Variants in CHRDL1 observed in about 807,000 individuals in gnomAD.
The protein encoded by CHRDL1 is chordin-like protein 1.
CHRDL1 carries 19 observed loss-of-function variants against 40.9 expected under a neutral mutation model. The observed-to-expected ratio is 0.46, with a 90% CI of 0.32 to 0.68. CHRDL1 has a LOEUF of 0.68. Among genes scored for constraint, CHRDL1 ranks in the 30% least tolerant of loss-of-function variants. The probability of loss-of-function intolerance (pLI) is 0.03; values close to 1 mark genes in which losing one functional copy is unlikely to be tolerated. For synonymous variants in CHRDL1, 136 were observed against 123.4 expected, an observed-to-expected ratio of 1.10 and a Z score of -0.68; for missense variants, 329 against 352.1, an observed-to-expected ratio of 0.93 and a Z score of 0.53.
chrX:110,683,502 A>T (rs1422967817), intron 9 of CHRDL1, among the ~76,000 whole-genome samples: 2 of 112,142 alleles, frequency 1.8e-5, no homozygotes, highest in Non-Finnish European at 3.8e-5. Context: ...CAGCTGGGAC[A>T]ACTTTTAAGT....
intron 2 of CHRDL1, among the ~76,000 whole-genome samples, chrX:110,789,030 A>C (rs1473626874): frequency 2.7e-5 from 3 of 111,715 alleles, no homozygotes; most frequent in Non-Finnish European, 5.7e-5. Flanking sequence ...AAAATTTTAA[A>C]ACTTCTATAT....
At chrX:110,707,375 T>G (rs931886058) in intron 6 of CHRDL1, among the ~76,000 whole-genome samples, 1 of 111,849 alleles carries the variant, frequency 8.9e-6, no homozygotes, top group Non-Finnish European at 1.9e-5. Context: ...GGCATCACAC[T>G]ATCTGACTTC....
rs186614589 is a variant in CHRDL1 at position 110,769,913 on chromosome X, C to A, written c.95-7106G>T. Among the ~76,000 whole-genome samples, 15 of 112,328 alleles carry A rather than the reference C, an allele frequency of 1.3e-4. No homozygotes were observed. In the Admixed American group the frequency reaches 1.4e-3, roughly 11 times the overall value. ...GAATAAATATTAAAAGATGTTCAACCTCACTAGTAATCAGAAATCTAAATT... is the reference window on the plus strand; with the variant it reads ...GAATAAATATTAAAAGATGTTCAACATCACTAGTAATCAGAAATCTAAATT... On this transcript the variant is annotated intron_variant, in intron 2 of 11. Coordinates refer to ENST00000372042, the MANE Select transcript of CHRDL1 (RefSeq NM_001143981.2).
At chrX:110,733,931 C>CAAAAAAAA (rs1172760631) in intron 4 of CHRDL1, among the ~76,000 whole-genome samples, 1 of 12,127 alleles carries the variant, frequency 8.2e-5, no homozygotes, top group African/African-American at 2.2e-4. Flanking sequence ...AACTCTGTCT[C>CAAAAAAAA]AAAAAAAAAA....
chrX:110,767,636 T>C (rs1390572326), intron 2 of CHRDL1, among the ~76,000 whole-genome samples: 1 of 106,971 alleles, frequency 9.3e-6, no homozygotes, highest in Non-Finnish European at 1.9e-5. Flanking sequence ...TAAAATAAAA[T>C]AAAATAAAAT....
At chrX:110,751,818 A>G (rs760344570) in intron 4 of CHRDL1, among the ~76,000 whole-genome samples, 14 of 112,048 alleles carry the variant, frequency 1.2e-4, no homozygotes, top group African/African-American at 4.2e-4. Flanking sequence ...GGATAGCTAC[A>G]TCCCTATGTT....
At position 110,689,778 on chromosome X, in the gene CHRDL1, T is replaced by TATCTATATATCTATATATATCTATAC. The variant is rs1569462217; in HGVS notation, c.779-976_779-975insGTATAGATATATATAGATATATAGAT. ...ATCTATATATCTATATATATCTATA[T>TATCTATATATCTATATATATCTATAC]ATCTATATATATCTATACATCTATA... On this transcript the variant is annotated intron_variant, in intron 8 of 11. Coordinates refer to ENST00000372042, the MANE Select transcript of CHRDL1 (RefSeq NM_001143981.2). Among the ~76,000 whole-genome samples, 9 of 77,973 alleles carry TATCTATATATCTATATATATCTATAC rather than the reference T, an allele frequency of 1.2e-4. 3 individuals are homozygous for TATCTATATATCTATATATATCTATAC. Among genetic ancestry groups the TATCTATATATCTATATATATCTATAC allele is most frequent in the African/African-American group, 4.2e-4 (7 of 16,796 alleles). 67.7% of individuals were successfully genotyped at this position (77,973 alleles called of 115,157 possible).
chrX:110,764,675 G>T (rs964243556), intron 2 of CHRDL1, among the ~76,000 whole-genome samples: 5 of 111,801 alleles, frequency 4.5e-5, no homozygotes, highest in Non-Finnish European at 7.5e-5. Context: ...CAGGCAAAAA[G>T]AGCCATATTT....
At chrX:110,751,420 A>C (rs1414064448) in intron 4 of CHRDL1, among the ~76,000 whole-genome samples, 1 of 112,231 alleles carries the variant, frequency 8.9e-6, no homozygotes, top group African/African-American at 3.2e-5. Flanking sequence ...TGGCTGAATA[A>C]ATTTAGACAA....
chrX:110,778,405 T>C (rs1010995264), intron 2 of CHRDL1, among the ~76,000 whole-genome samples: 3 of 111,405 alleles, frequency 2.7e-5, no homozygotes, highest in African/African-American at 6.5e-5. Flanking sequence ...AACAAACTTA[T>C]AAGCAAAAAA....
rs538793535 is a variant in CHRDL1 at position 110,727,008 on chromosome X, C to T, written c.302-5478G>A. 1.3e-4 allele frequency among the ~76,000 whole-genome samples: 15 copies of T among 112,112 alleles called. No homozygotes were observed. The South Asian group carries it at 5.6e-3, about 42-fold the overall frequency. ...CTACAAAGATAAATAGGACATTCCC[C>T]TGACTTCAAGTAAAATCCTGCTTTC... is the stretch of plus-strand genomic sequence containing the variant. On this transcript the variant is annotated intron_variant, in intron 4 of 11. Transcript: ENST00000372042.
intron 4 of CHRDL1, among the ~76,000 whole-genome samples, chrX:110,744,718 C>T (rs1316235749): frequency 1.8e-5 from 2 of 111,255 alleles, no homozygotes; most frequent in Non-Finnish European, 3.8e-5. Flanking sequence ...ACTAGCCAGA[C>T]GTAGCCACTA....
At chrX:110,718,078 A>G (rs1176948355) in intron 6 of CHRDL1, among the ~76,000 whole-genome samples, 3 of 112,081 alleles carry the variant, frequency 2.7e-5, no homozygotes, top group Non-Finnish European at 5.6e-5. Context: ...TCTCATTGAA[A>G]TCTCACAAAC....
At chrX:110,708,745 G>A (rs2070693366) in intron 6 of CHRDL1, among the ~76,000 whole-genome samples, 1 of 111,454 alleles carries the variant, frequency 9.0e-6, no homozygotes, top group South Asian at 3.8e-4. Context: ...AGTGAATACA[G>A]AAACTACGAG....
intron 7 of CHRDL1, 58 bp downstream of exon 7, chrX:110,700,596 G>T: frequency 2.5e-6 from 2 of 787,281 alleles, no homozygotes; most frequent in Non-Finnish European, 3.9e-6. Context: ...GCCACGAGGA[G>T]AGGAAAGCTT....
intron 11 of CHRDL1, among the ~76,000 whole-genome samples, chrX:110,678,076 G>A (rs1018484806): frequency 9.0e-6 from 1 of 110,825 alleles, no homozygotes; most frequent in Non-Finnish European, 1.9e-5. Flanking sequence ...ACTCCACACA[G>A]CGAGGACCTC....
chrX:110,754,666 A>C (rs1293605805), intron 4 of CHRDL1, among the ~76,000 whole-genome samples: 1 of 111,615 alleles, frequency 9.0e-6, no homozygotes, highest in Non-Finnish European at 1.9e-5. Flanking sequence ...ATTCCTATTA[A>C]AACCATTCAT....
chrX:110,775,784 CT>C lies in CHRDL1; in HGVS notation c.95-12978del, dbSNP rs894195009. Among the ~76,000 whole-genome samples, 54 of 105,061 alleles carry C rather than the reference CT, an allele frequency of 5.1e-4. No homozygotes were observed. In the South Asian group the frequency reaches 8.2e-3, roughly 16 times the overall value. 91.2% of individuals were successfully genotyped at this position (105,061 alleles called of 115,157 possible). ...ATTCATTGCCCTAGTTTTTTTGTTA[CT>C]TTTTTTTTTGTCTTCCTTTCTTTTT... On this transcript the variant is annotated intron_variant, in intron 2 of 11. Coordinates refer to ENST00000372042, the MANE Select transcript of CHRDL1 (RefSeq NM_001143981.2).
At chrX:110,680,762 A>C (rs5942675) in intron 10 of CHRDL1, among the ~76,000 whole-genome samples, 54,112 of 110,925 alleles carry the variant, frequency 0.49, 11,443 homozygotes, top group African/African-American at 0.8. Flanking sequence ...CACACTAAAT[A>C]AGCACTAGTC....
Sources: allele counts gnomAD v4.1 joint callset (sites outside exome capture counted in the v4.1 genomes callset), GRCh38; gene constraint gnomAD v4.1.1; transcripts MANE v1.5; gene names NCBI Gene and HGNC (gene_info 2026-07-23, HGNC 2026-07-21).